The following MCTP1 variants were observed in gnomAD, a reference collection of about 807,000 sequenced individuals.
The protein encoded by MCTP1 is multiple C2 and transmembrane domain-containing protein 1.
A neutral mutation model predicts 120.6 loss-of-function variants in MCTP1; 69 were observed. That is an observed-to-expected ratio of 0.57 (90% CI 0.47 to 0.70). The LOEUF (loss-of-function observed/expected upper bound fraction) is 0.70, where lower values mean the gene tolerates loss of function less well. Ranked by LOEUF, MCTP1 falls within the 30% of genes least tolerant of loss-of-function variation. The pLI is 0.00. For missense variants in MCTP1, 1,203 were observed against 1,248.8 expected (o/e 0.96, Z 0.55); for synonymous variants, 529 against 493.1 (o/e 1.07, Z -0.96).
intron 1 of MCTP1, among the ~76,000 whole-genome samples, chr5:95,108,679 C>G (rs777434525): frequency 5.9e-5 from 9 of 152,194 alleles, no homozygotes; most frequent in Non-Finnish European, 2.9e-5. Context: ...AGCTAGACAC[C>G]TTTGCGTTTT....
intron 1 of MCTP1, among the ~76,000 whole-genome samples, chr5:95,238,267 T>A (rs917513889): frequency 2.0e-5 from 3 of 152,182 alleles, no homozygotes; most frequent in African/African-American, 7.2e-5. Flanking sequence ...CAGCCATCTG[T>A]CTTTGGATTG....
intron 1 of MCTP1, among the ~76,000 whole-genome samples, chr5:95,208,370 C>T (rs978905729): frequency 6.6e-6 from 1 of 152,140 alleles, no homozygotes; most frequent in East Asian, 1.9e-4. Context: ...GGATTACAGG[C>T]GTGAGCCACC....
At chr5:95,266,160 TC>T (rs1360865903) in intron 1 of MCTP1, among the ~76,000 whole-genome samples, 4 of 152,200 alleles carry the variant, frequency 2.6e-5, no homozygotes, top group African/African-American at 9.6e-5. Flanking sequence ...AGATTTTTCC[TC>T]CTAAAAATCA....
intron 17 of MCTP1, among the ~76,000 whole-genome samples, chr5:94,845,512 G>C (rs1396509573): frequency 6.9e-6 from 1 of 145,684 alleles, no homozygotes; most frequent in Non-Finnish European, 1.5e-5. Flanking sequence ...AGATTAAAAA[G>C]TGGGCAAAGG....
At chr5:95,219,486 T>C (rs539402741) in intron 1 of MCTP1, among the ~76,000 whole-genome samples, 2 of 152,252 alleles carry the variant, frequency 1.3e-5, no homozygotes, top group African/African-American at 4.8e-5. Flanking sequence ...TGTGTATCTA[T>C]GAGGCTAATC....
At chr5:95,148,752 G>GTT (rs372182874) in intron 1 of MCTP1, among the ~76,000 whole-genome samples, 3 of 151,162 alleles carry the variant, frequency 2.0e-5, no homozygotes, top group Admixed American at 1.3e-4. Context: ...AGGGGACTCT[G>GTT]TTTTTTTTTA....
chr5:95,001,580 T>A (rs1833700410), intron 2 of MCTP1, among the ~76,000 whole-genome samples: 1 of 152,134 alleles, frequency 6.6e-6, no homozygotes, highest in Non-Finnish European at 1.5e-5. Flanking sequence ...GGAACCAGCA[T>A]AAAGGTGACT....
intron 1 of MCTP1, among the ~76,000 whole-genome samples, chr5:95,223,869 C>T (rs1377822960): frequency 6.6e-6 from 1 of 152,116 alleles, no homozygotes; most frequent in African/African-American, 2.4e-5. Context: ...CTGAATTGTC[C>T]CTACAACTGT....
chr5:95,088,625 C>T (rs1755616643), intron 1 of MCTP1, among the ~76,000 whole-genome samples: 2 of 152,206 alleles, frequency 1.3e-5, no homozygotes, highest in Admixed American at 6.5e-5. Context: ...GAACCTGCAT[C>T]CTCAAACACT....
chr5:95,236,729 T>C (rs977572875), intron 1 of MCTP1, among the ~76,000 whole-genome samples: 2 of 151,836 alleles, frequency 1.3e-5, no homozygotes, highest in Non-Finnish European at 2.9e-5. Context: ...CTCCGAAAAA[T>C]CACAAAAACA....
At chr5:95,272,264 A>G (rs919810168) in intron 1 of MCTP1, among the ~76,000 whole-genome samples, 2 of 152,242 alleles carry the variant, frequency 1.3e-5, no homozygotes, top group Non-Finnish European at 2.9e-5. Flanking sequence ...AAAATATATT[A>G]TAAAAGCTAC....
intron 2 of MCTP1, among the ~76,000 whole-genome samples, chr5:95,007,960 A>T (rs996609273): frequency 6.6e-6 from 1 of 152,208 alleles, no homozygotes; most frequent in Admixed American, 6.5e-5. Context: ...AAATAGAATC[A>T]CAATAAACAG....
chr5:94,844,317 A>AAAAAAAAAAG (rs1791824402), intron 17 of MCTP1, among the ~76,000 whole-genome samples: 4 of 150,902 alleles, frequency 2.7e-5, no homozygotes, highest in Non-Finnish European at 4.4e-5. Context: ...AAAAAAAAAA[A>AAAAAAAAAAG]AAAAGAAAAG....
At chr5:94,845,232 T>G (rs74345043) in intron 17 of MCTP1, among the ~76,000 whole-genome samples, 11,715 of 152,146 alleles carry the variant, frequency 0.077, 1,306 homozygotes, top group African/African-American at 0.25. Flanking sequence ...AGTTCCACAC[T>G]GCTAGGGAGG....
At chr5:94,959,865 A>G (rs1823682923) in intron 2 of MCTP1, among the ~76,000 whole-genome samples, 1 of 152,228 alleles carries the variant, frequency 6.6e-6, no homozygotes, top group Non-Finnish European at 1.5e-5. Flanking sequence ...TATAGATTCA[A>G]TGCTATTCCC....
chr5:94,901,257 C>T lies in MCTP1; in HGVS notation c.1653-6422G>A, dbSNP rs532585567. 5.3e-5 allele frequency among the ~76,000 whole-genome samples: 8 copies of T among 152,246 alleles called. No individual in the cohort carries two copies. In the South Asian group the frequency reaches 1.7e-3, roughly 32 times the overall value. The stretch of plus-strand genomic sequence containing the variant: ...TTCAGGGGAACTCCCCTTTATAAAA[C>T]CATCAGATCTCATGAGTCTAATTCA... On this transcript the variant is annotated intron_variant, in intron 10 of 22. Transcript: ENST00000515393.
chr5:95,138,891 A>G (rs1759673006), intron 1 of MCTP1, among the ~76,000 whole-genome samples: 2 of 152,222 alleles, frequency 1.3e-5, no homozygotes, highest in African/African-American at 4.8e-5. Flanking sequence ...AGTTATTTTC[A>G]ATTAATTCTT....
intron 1 of MCTP1, among the ~76,000 whole-genome samples, chr5:95,179,958 C>G (rs887630907): frequency 6.6e-6 from 1 of 152,108 alleles, no homozygotes; most frequent in Admixed American, 6.6e-5. Context: ...AAAGATATTC[C>G]ATTCAAATAG....
intron 17 of MCTP1, among the ~76,000 whole-genome samples, chr5:94,853,260 G>T (rs1794100496): frequency 6.6e-6 from 1 of 151,952 alleles, no homozygotes; most frequent in Admixed American, 6.6e-5. Flanking sequence ...TTCTTACATT[G>T]AATTCAGCCT....
Sources: allele counts gnomAD v4.1 joint callset (sites outside exome capture counted in the v4.1 genomes callset), GRCh38; gene constraint gnomAD v4.1.1; transcripts MANE v1.5; gene names NCBI Gene and HGNC (gene_info 2026-07-23, HGNC 2026-07-21).